UNC13A: variants seen among roughly 807,000 people sequenced by gnomAD.
UNC13A encodes protein unc-13 homolog A.
Under a neutral mutation model 219.7 loss-of-function variants are expected in UNC13A, and 61 were observed. The observed-to-expected ratio is 0.28, with a 90% confidence interval of 0.23 to 0.34. The LOEUF (loss-of-function observed/expected upper bound fraction) is 0.34, where lower values mean the gene tolerates loss of function less well. UNC13A is among the 10% of genes least tolerant of loss of function. The pLI is 1.00. For missense variants in UNC13A, 1,476 were observed against 2,270.3 expected (o/e 0.65, Z 7.11); for synonymous variants, 920 against 884.6 (o/e 1.04, Z -0.71).
intron 16 of UNC13A, 49 bp from the exon 17 acceptor site, chr19:17,647,541 G>A (rs1416426065): frequency 6.4e-7 from 1 of 1,565,766 alleles, no homozygotes; most frequent in Non-Finnish European, 8.7e-7. Context: ...CTGCATAGTG[G>A]CCCCTCACCA....
At chr19:17,650,284 C>T (rs1444657691) in intron 12 of UNC13A, among the ~76,000 whole-genome samples, 4 of 152,054 alleles carry the variant, frequency 2.6e-5, no homozygotes, top group Admixed American at 6.5e-5. Context: ...GAGGCCGAGG[C>T]GGGCGGATCA....
chr19:17,680,898 T>TTTTTCTTTTTTTTTTTTTTTTTTC (rs1555699382), intron 1 of UNC13A, among the ~76,000 whole-genome samples: 1 of 105,240 alleles, frequency 9.5e-6, no homozygotes, highest in African/African-American at 3.9e-5. Flanking sequence ...TCTTTTTTTT[T>TTTTTCTTTTTTTTTTTTTTTTTTC]TTTTTTTTTT....
chr19:17,666,730 G>A, intron 6 of UNC13A, 26 bp from the exon 7 acceptor site: 1 of 1,492,720 alleles, frequency 6.7e-7, no homozygotes, highest in Non-Finnish European at 8.9e-7. Flanking sequence ...AAGGAGAAAG[G>A]GCTTCTCTCA....
intron 25 of UNC13A, among the ~76,000 whole-genome samples, chr19:17,638,656 C>T (rs979629980): frequency 2.0e-5 from 3 of 151,820 alleles, no homozygotes; most frequent in South Asian, 2.1e-4. Flanking sequence ...GGTGAAACCC[C>T]GTTTTTACTA....
Position 17,629,269 on chromosome 19 carries a change from A to C in UNC13A, c.3724T>G (p.Ser1242Ala). 6.2e-7 allele frequency: 1 copy of C among 1,612,146 alleles called. No homozygotes were observed. Among genetic ancestry groups the C allele is most frequent in the African/African-American group, 1.3e-5 (1 of 74,988 alleles). Reference protein sequence around the residue: ...YADIISKDFASYCSKEKEKVP... With the variant: ...YADIISKDFAAYCSKEKEKVP... ...TTCTCCTTCTCCTTGGAGCAGTAGG[A>C]GGCAAAGTCCTTGGAGATGATGTCT... The change falls in exon 31 of 44, where the codon TCC becomes GCC. Residue 1242 changes from serine to alanine, a missense_variant. Physicochemically the swap from Ser to Ala is moderately conservative, Grantham distance 99. Around this residue, in one of 14 missense-constraint regions of UNC13A, gnomAD observed 218 missense variants for 409.4 expected, o/e 0.53. Transcript: ENST00000519716.
Position 17,674,804 on chromosome 19 carries a change from A to G in UNC13A, c.53-48T>C, listed in dbSNP as rs749600258. 6.7e-7 allele frequency: 1 copy of G among 1,494,482 alleles called. No homozygotes were observed. The highest frequency in any genetic ancestry group is 1.1e-5 in the South Asian group (1 of 88,576). The allele number at this position is 1,494,482 out of a possible 1,614,324, so 92.6% of individuals were successfully genotyped here. On this transcript the variant is annotated intron_variant, in intron 2 of 43. Coordinates refer to ENST00000519716, the MANE Select transcript of UNC13A (RefSeq NM_001080421.3). This position sits in a 1 kb window ranked among gnomAD's most constrained non-coding sequence, Gnocchi z 5.0. ...CAGCGCTGGGGCTCAGGGACTCTCCAATGCCCCTTCCCAAGCTCTAGACCA... is the reference window on the plus strand; with the variant it reads ...CAGCGCTGGGGCTCAGGGACTCTCCGATGCCCCTTCCCAAGCTCTAGACCA...
chr19:17,683,826 C>T (rs899946022), intron 1 of UNC13A, among the ~76,000 whole-genome samples: 1 of 151,998 alleles, frequency 6.6e-6, no homozygotes, highest in Non-Finnish European at 1.5e-5. Flanking sequence ...TGGTGGCTCA[C>T]ACCTGTAATC....
chr19:17,640,755 G>C (rs2076959752), intron 21 of UNC13A, 94 bp from the exon 22 acceptor site: 1 of 1,371,192 alleles, frequency 7.3e-7, no homozygotes, highest in African/African-American at 1.5e-5. Flanking sequence ...ATCTGTGAGT[G>C]GGTCTCTGTC....
chr19:17,665,964 A>C (rs1259720250), intron 7 of UNC13A, among the ~76,000 whole-genome samples: 2 of 74,694 alleles, frequency 2.7e-5, no homozygotes, highest in African/African-American at 5.2e-5. Flanking sequence ...CCATGACCAC[A>C]TAGCAAGGTG....
intron 1 of UNC13A, among the ~76,000 whole-genome samples, chr19:17,681,069 C>CTTTTTTT (rs71929988): frequency 5.2e-5 from 5 of 96,080 alleles, no homozygotes; most frequent in African/African-American, 8.9e-5. Flanking sequence ...TTGGCTATTC[C>CTTTTTTT]TTTTTTTTTT....
In UNC13A at chr19:17,627,151, C is replaced by T. The variant is rs564518041; in HGVS notation, c.3920+358G>A. On this transcript the variant is annotated intron_variant, in intron 33 of 43. Transcript: ENST00000519716. This position sits in a 1 kb window ranked among gnomAD's most constrained non-coding sequence, Gnocchi z 4.7. ...ACTGCACTCCAGCCTGGTGACAGAA[C>T]GAGACTTCGTCTCAAAAAAAAAAAA... Among the ~76,000 whole-genome samples the T allele has an allele frequency of 2.7e-5, 4 of 149,508 alleles. No individual in the cohort carries two copies. The highest frequency in any genetic ancestry group is 3.9e-4 in the East Asian group (2 of 5,116).
At position 17,647,331 on chromosome 19, in the gene UNC13A, T is replaced by A. The variant is rs1438192335; in HGVS notation, c.1978A>T (p.Met660Leu). 2 of 1,612,240 alleles carry A rather than the reference T, an allele frequency of 1.2e-6. No individual in the cohort carries two copies. The highest frequency in any genetic ancestry group is 1.7e-6 in the Non-Finnish European group (2 of 1,179,330). Reference protein sequence around the residue: ...AVTKTAHTQQMKAVKQSVLDG... With the variant: ...AVTKTAHTQQLKAVKQSVLDG... Reference sequence around the variant, plus strand: ...AGCACGCTCTGCTTGACCGCCTTCATCTGCTGCGTGTGCGCCGTCTTGGTC... The same window carrying A: ...AGCACGCTCTGCTTGACCGCCTTCAACTGCTGCGTGTGCGCCGTCTTGGTC... The change falls in exon 17 of 44, where the codon ATG (methionine) becomes TTG (leucine). Residue 660 changes from methionine to leucine, a missense_variant. Physicochemically the swap from Met to Leu is conservative, Grantham distance 15 (BLOSUM62 2). Transcript: ENST00000519716.
intron 1 of UNC13A, among the ~76,000 whole-genome samples, chr19:17,682,182 G>A (rs2080032267): frequency 6.6e-6 from 1 of 152,130 alleles, no homozygotes; most frequent in Non-Finnish European, 1.5e-5. Flanking sequence ...TTGAACTCCT[G>A]AGCTCAGGAG....
intron 43 of UNC13A, among the ~76,000 whole-genome samples, chr19:17,607,635 G>A (rs1186518847): frequency 6.6e-6 from 1 of 151,934 alleles, no homozygotes; most frequent in Non-Finnish European, 1.5e-5. Flanking sequence ...CCAGGCTGGA[G>A]TGCAGTGGCA....
chr19:17,652,535 CCCT>C (rs1185002622), intron 12 of UNC13A, 93 bp downstream of exon 12: 68 of 1,504,028 alleles, frequency 4.5e-5, no homozygotes, highest in East Asian at 6.8e-5. Flanking sequence ...TAAATGGAAC[CCCT>C]CCTCCTCCTC....
At chr19:17,620,300 T>C (rs1475660663) in intron 38 of UNC13A, among the ~76,000 whole-genome samples, 1 of 152,160 alleles carries the variant, frequency 6.6e-6, no homozygotes, top group African/African-American at 2.4e-5. Context: ...GGAATTATGT[T>C]CATAGTCTAC....
At position 17,605,385 on chromosome 19, in the gene UNC13A, G is replaced by T. The variant is rs2076510828; in HGVS notation, c.*669C>A. ...GAGGCAAACTCCCAAAGGGAAGTAG[G>T]GGCAGCGTGGGGAACCAGAGCCGTC... On this transcript the variant is annotated 3_prime_UTR_variant, in exon 44 of 44. Coordinates refer to ENST00000519716, the MANE Select transcript of UNC13A (RefSeq NM_001080421.3). 6.5e-6 allele frequency: 1 copy of T among 152,708 alleles called. No homozygotes were observed. Among genetic ancestry groups the T allele is most frequent in the Admixed American group, 6.5e-5 (1 of 15,290 alleles). The allele number at this position is 152,708 out of a possible 1,614,324, so 9.5% of individuals were successfully genotyped here.
chr19:17,629,171 G>A, intron 31 of UNC13A, 69 bp downstream of exon 31: 2 of 1,390,222 alleles, frequency 1.4e-6, no homozygotes, highest in Non-Finnish European at 1.0e-6. Flanking sequence ...GGGCCCTGGG[G>A]AGAAGGGAGT....
At chr19:17,612,975 T>C (rs1372359115) in intron 41 of UNC13A, among the ~76,000 whole-genome samples, 10 of 152,230 alleles carry the variant, frequency 6.6e-5, no homozygotes, top group Admixed American at 6.5e-4. Context: ...CTCATGCTTG[T>C]AATCCTAGCA....
Sources: gnomAD v4.1 joint callset for allele counts (sites outside exome capture counted in the v4.1 genomes callset) on GRCh38, gnomAD v4.1.1 for gene constraint, gnomAD v4.1.1 regional missense constraint, Gnocchi (gnomAD v3.1) non-coding constraint, MANE v1.5 for transcripts, NCBI Gene and HGNC (gene_info 2026-07-23, HGNC 2026-07-21) for gene names.